The following ALMS1 variants were observed in gnomAD, a reference collection of about 807,000 sequenced individuals.
The protein encoded by ALMS1 is ALMS1 centrosome and basal body associated protein.
In ALMS1, 271 loss-of-function variants were observed where a neutral mutation model predicts 352.2. The ratio of observed to expected loss-of-function variants is 0.77; its 90% CI spans 0.70 to 0.85. The LOEUF is 0.85. Ranked by LOEUF, ALMS1 falls within the 40% of genes least tolerant of loss-of-function variation. The probability of loss-of-function intolerance (pLI) is 0.00; values close to 1 mark genes in which losing one functional copy is unlikely to be tolerated. For missense variants in ALMS1, 5,445 were observed against 4,870.7 expected, an observed-to-expected ratio of 1.12 and a Z score of -3.51; for synonymous variants, 1,865 against 1,761.2, an observed-to-expected ratio of 1.06 and a Z score of -1.48.
intron 10 of ALMS1, among the ~76,000 whole-genome samples, chr2:73,499,178 T>C (rs1673169889): frequency 6.6e-6 from 1 of 152,118 alleles, no homozygotes; most frequent in Non-Finnish European, 1.5e-5. Context: ...GTTTTTAGTT[T>C]TAGTGTTTTG....
intron 13 of ALMS1, among the ~76,000 whole-genome samples, chr2:73,550,934 T>G (rs1415513363): frequency 6.6e-6 from 1 of 152,114 alleles, no homozygotes; most frequent in Non-Finnish European, 1.5e-5. Context: ...GTTGAACTCC[T>G]GGACTCCAGT....
chr2:73,566,017 A>G (rs953777498), intron 15 of ALMS1, among the ~76,000 whole-genome samples: 2 of 152,188 alleles, frequency 1.3e-5, no homozygotes, highest in African/African-American at 2.4e-5. Flanking sequence ...GTTAATAATA[A>G]TGTAACTTTA....
chr2:73,401,622 G>A (rs773233107), intron 1 of ALMS1, among the ~76,000 whole-genome samples: 6 of 148,948 alleles, frequency 4.0e-5, no homozygotes, highest in Admixed American at 6.7e-5. Flanking sequence ...CATATACCTA[G>A]TGAAATGGTT....
At chr2:73,599,863 T>C (rs1004398597) in intron 17 of ALMS1, among the ~76,000 whole-genome samples, 8 of 152,376 alleles carry the variant, frequency 5.3e-5, no homozygotes, top group Admixed American at 3.3e-4. Context: ...CCTATAGATA[T>C]ACTTGCATAT....
In ALMS1 at chr2:73,452,679, C is replaced by T. The variant is rs866777625; in HGVS notation, c.6152C>T (p.Thr2051Ile). 6 of 1,613,748 alleles carry T rather than the reference C, an allele frequency of 3.7e-6. No individual in the cohort carries two copies. The African/African-American group carries it at 8.0e-5, about 22-fold the overall frequency. ...QTAFHSSYSQ[T>I]VKPNILFQQQ... ...GCTTTTCATAGTTCCTATTCTCAAA[C>T]AGTAAAGCCCAATATTTTATTTCAA... Residue 2051 changes from threonine (T) to isoleucine (I), a missense_variant, in exon 8 of 23, where the codon ACA (threonine) becomes ATA (isoleucine). Thr to Ile is a moderately conservative substitution (Grantham distance 89). Transcript: ENST00000613296.
At chr2:73,464,863 A>G (rs186144425) in intron 9 of ALMS1, among the ~76,000 whole-genome samples, 1 of 152,196 alleles carries the variant, frequency 6.6e-6, no homozygotes, top group East Asian at 1.9e-4. Flanking sequence ...CAAAGAGAGT[A>G]AAATACCTAG....
chr2:73,408,729 G>A lies in ALMS1; in HGVS notation c.432G>A (p.Arg144=), dbSNP rs772143925. The change falls in exon 2 of 23, where the codon CGG becomes CGA. Residue 144 remains arginine, a synonymous_variant. Transcript: ENST00000613296. The part of the protein sequence containing the change: ...NVVCLETTAQ[R]GSGDDQKTES... Reference sequence around the variant, plus strand: ...TCTGTTTGGAAACAACAGCTCAGCGGGGTTCTGGGGATGATCAGGTATGTC... The same window carrying A: ...TCTGTTTGGAAACAACAGCTCAGCGAGGTTCTGGGGATGATCAGGTATGTC... The A allele has an allele frequency of 4.3e-5, 69 of 1,613,114 alleles. No homozygotes were observed. The highest frequency in any genetic ancestry group is 5.6e-5 in the Non-Finnish European group (66 of 1,179,724).
chr2:73,530,856 C>T (rs1285247184), intron 11 of ALMS1, among the ~76,000 whole-genome samples: 1 of 152,240 alleles, frequency 6.6e-6, no homozygotes. Context: ...GGCTTGCACC[C>T]TCTGAAGCAA....
intron 1 of ALMS1, among the ~76,000 whole-genome samples, chr2:73,402,434 T>C (rs1485215054): frequency 6.6e-6 from 1 of 151,840 alleles, no homozygotes; most frequent in African/African-American, 2.4e-5. Flanking sequence ...CTACCCTGCC[T>C]GGTTAATTTT....
chr2:73,469,845 T>G (rs1672432287), intron 9 of ALMS1: 1 of 151,812 alleles, frequency 6.6e-6, no homozygotes, highest in South Asian at 2.1e-4. Flanking sequence ...TCTATCAACT[T>G]TTTGGTATAC....
chr2:73,542,810 A>T (rs1159338847), intron 12 of ALMS1, among the ~76,000 whole-genome samples: 1 of 152,104 alleles, frequency 6.6e-6, no homozygotes, highest in African/African-American at 2.4e-5. Flanking sequence ...CTTACAAGGG[A>T]TGTGAAGGAC....
chr2:73,451,448 G>A lies in ALMS1; in HGVS notation c.4921G>A (p.Val1641Ile). ...GCTAGACAGTCCTCTAAATAAAGAG[G>A]TTGTGAAAGTTTCAGCTGCTCCTGG... ...ALLDSPLNKE[V>I]VKVSAAPGPA... The change falls in exon 8 of 23, where the codon GTT becomes ATT. Residue 1641 changes from valine (V) to isoleucine (I), a missense_variant. By Grantham distance (29) the Val-to-Ile change is conservative. Transcript: ENST00000613296. 9 of 1,613,740 alleles carry A rather than the reference G, an allele frequency of 5.6e-6. No homozygotes were observed. The highest frequency in any genetic ancestry group is 1.3e-5 in the African/African-American group (1 of 74,910).
intron 16 of ALMS1, among the ~76,000 whole-genome samples, chr2:73,584,040 G>A (rs1046867599): frequency 5.3e-5 from 8 of 151,888 alleles, no homozygotes; most frequent in South Asian, 2.1e-4. Context: ...ATGTTTCTTC[G>A]AGTTGGTTTT....
At chr2:73,525,050 G>A (rs1673760807) in intron 11 of ALMS1, among the ~76,000 whole-genome samples, 1 of 152,116 alleles carries the variant, frequency 6.6e-6, no homozygotes, top group Non-Finnish European at 1.5e-5. Flanking sequence ...TTTCATCCAT[G>A]TTGCTGCAAA....
At chr2:73,472,818 G>A (rs914747712) in intron 9 of ALMS1, among the ~76,000 whole-genome samples, 1 of 152,048 alleles carries the variant, frequency 6.6e-6, no homozygotes, top group African/African-American at 2.4e-5. Context: ...TGAAGTATCT[G>A]AAGGACCAGT....
chr2:73,485,656 G>A (rs10171781), intron 9 of ALMS1, among the ~76,000 whole-genome samples: 131 of 152,330 alleles, frequency 8.6e-4, no homozygotes, highest in African/African-American at 3.1e-3. Context: ...GGCAATGGCG[G>A]GCGCCCCTCC....
rs752850514 is a variant in ALMS1 at position 73,490,096 on chromosome 2, A to G, written c.8137A>G (p.Thr2713Ala). The G allele has an allele frequency of 4.3e-6, 7 of 1,614,110 alleles. No homozygotes were observed. The highest frequency in any genetic ancestry group is 5.9e-6 in the Non-Finnish European group (7 of 1,180,008). ...CCCAGAACCCATGAAAAAGTTTACT[A>G]CCTCCATCACTTTTTCATCTCACCG... ...PSPEPMKKFT[T>A]SITFSSHRHS... Residue 2713 changes from threonine (T) to alanine (A), a missense_variant, in exon 10 of 23, where the codon ACC (threonine) becomes GCC (alanine). By Grantham distance (58) the Thr-to-Ala change is moderately conservative (BLOSUM62 0). Transcript: ENST00000613296.
At chr2:73,409,568 A>G (rs1671036534) in intron 2 of ALMS1, among the ~76,000 whole-genome samples, 1 of 152,242 alleles carries the variant, frequency 6.6e-6, no homozygotes, top group Non-Finnish European at 1.5e-5. Flanking sequence ...CATAAATAGT[A>G]TATTTTAAAG....
chr2:73,529,634 G>A (rs1673866510), intron 11 of ALMS1, among the ~76,000 whole-genome samples: 1 of 152,110 alleles, frequency 6.6e-6, no homozygotes, highest in Admixed American at 6.6e-5. Flanking sequence ...TCTCCATTAG[G>A]GGGCACTTCA....
Sources: gnomAD v4.1 joint callset for allele counts (sites outside exome capture counted in the v4.1 genomes callset) on GRCh38, gnomAD v4.1.1 for gene constraint, MANE v1.5 for transcripts, NCBI Gene and HGNC (gene_info 2026-07-23, HGNC 2026-07-21) for gene names.